The following CDYL variants were observed in gnomAD, a reference collection of about 807,000 sequenced individuals.
CDYL encodes chromodomain Y like.
CDYL carries 8 observed loss-of-function variants against 47.3 expected under a neutral mutation model. That is an observed-to-expected ratio of 0.17 (90% CI 0.10 to 0.31). The LOEUF (loss-of-function observed/expected upper bound fraction) is 0.31, where lower values mean the gene tolerates loss of function less well. Ranked by LOEUF, CDYL falls within the 10% of genes least tolerant of loss-of-function variation. The pLI is 1.00. For missense variants in CDYL, 471 were observed against 701.4 expected (o/e 0.67, Z 3.71); for synonymous variants, 266 against 265.0 (o/e 1.00, Z -0.04).
chr6:4,739,429 G>A (rs1757757837), intron 3 of CDYL, among the ~76,000 whole-genome samples: 1 of 147,024 alleles, frequency 6.8e-6, no homozygotes, highest in African/African-American at 2.5e-5. Context: ...TGAGGCAGAA[G>A]AATCACTTGA....
At chr6:4,859,104 T>C (rs968426871) in intron 1 of CDYL, among the ~76,000 whole-genome samples, 1 of 152,210 alleles carries the variant, frequency 6.6e-6, no homozygotes, top group African/African-American at 2.4e-5. Flanking sequence ...GCCTTTTTCA[T>C]GGGAAGGTTT....
At chr6:4,735,299 GA>G (rs201625611) in intron 3 of CDYL, among the ~76,000 whole-genome samples, 15 of 137,618 alleles carry the variant, frequency 1.1e-4, no homozygotes, top group South Asian at 4.6e-4. Context: ...TCAAAAAAAA[GA>G]AAAAAAAAAG....
chr6:4,783,897 A>G lies in CDYL; in HGVS notation c.24+7090A>G, dbSNP rs959117022. 3.9e-5 allele frequency among the ~76,000 whole-genome samples: 6 copies of G among 152,276 alleles called. No individual in the cohort carries two copies. In the South Asian group the frequency reaches 8.3e-4, roughly 21 times the overall value. On this transcript the variant is annotated intron_variant, in intron 1 of 6. Coordinates refer to ENST00000397588, the MANE Select transcript of CDYL (RefSeq NM_004824.4). ...GTGCTGCTTTTTGGATTTGTGCCTC[A>G]TCAGCTCGAAAATGGATTTGGCCAG...
chr6:4,902,442 C>T (rs143147842), intron 2 of CDYL, among the ~76,000 whole-genome samples: 1 of 151,524 alleles, frequency 6.6e-6, no homozygotes, highest in Non-Finnish European at 1.5e-5. Context: ...ACTGAGCAAG[C>T]CTGGACAATC....
Position 4,777,641 on chromosome 6 carries a change from T to TA in CDYL, c.24+836dup, listed in dbSNP as rs1758506462. 4.6e-5 allele frequency among the ~76,000 whole-genome samples: 7 copies of TA among 152,352 alleles called. No individual in the cohort carries two copies. The South Asian group carries it at 1.4e-3, about 32-fold the overall frequency. ...TCACATGTATTTATAAATAAGTTCC[T>TA]AAGAGACTTAAAACTTGCGAAGACT... On this transcript the variant is annotated intron_variant, in intron 1 of 6. Coordinates refer to ENST00000397588, the MANE Select transcript of CDYL (RefSeq NM_004824.4).
At chr6:4,820,886 A>C (rs1759815537) in intron 1 of CDYL, among the ~76,000 whole-genome samples, 1 of 152,216 alleles carries the variant, frequency 6.6e-6, no homozygotes, top group Non-Finnish European at 1.5e-5. Context: ...GACATCTTGA[A>C]ATCTGTAAAA....
chr6:4,853,128 T>G (rs1001404747), intron 1 of CDYL, among the ~76,000 whole-genome samples: 4 of 152,116 alleles, frequency 2.6e-5, no homozygotes, highest in Non-Finnish European at 5.9e-5. Flanking sequence ...CCCTCATTAG[T>G]CTTTTCCTGC....
intron 2 of CDYL, among the ~76,000 whole-genome samples, chr6:4,934,671 G>T (rs1443144454): frequency 2.6e-5 from 4 of 152,112 alleles, no homozygotes; most frequent in Non-Finnish European, 5.9e-5. Flanking sequence ...ATAATTATTT[G>T]CATTCTTAAC....
chr6:4,784,107 G>A (rs1758690704), intron 1 of CDYL, among the ~76,000 whole-genome samples: 1 of 152,092 alleles, frequency 6.6e-6, no homozygotes, highest in South Asian at 2.1e-4. Flanking sequence ...TCACTAATGA[G>A]CTGTGTTTAA....
At chr6:4,852,383 T>TTCC (rs771959396) in intron 1 of CDYL, among the ~76,000 whole-genome samples, 12 of 132,800 alleles carry the variant, frequency 9.0e-5, no homozygotes, top group African/African-American at 3.8e-4. Flanking sequence ...CCTTCCTTCC[T>TTCC]ATCTTCCTTC....
At chr6:4,952,663 A>C (rs1043508366) in intron 6 of CDYL, among the ~76,000 whole-genome samples, 2 of 152,302 alleles carry the variant, frequency 1.3e-5, no homozygotes, top group Admixed American at 1.3e-4. Flanking sequence ...GTCCTATGAA[A>C]GTCAACAACA....
At chr6:4,904,815 A>G (rs1029269421) in intron 2 of CDYL, among the ~76,000 whole-genome samples, 1 of 152,194 alleles carries the variant, frequency 6.6e-6, no homozygotes, top group African/African-American at 2.4e-5. Context: ...GTACAGCTAC[A>G]GGTTGTACTT....
chr6:4,933,741 T>G (rs1468313083), intron 2 of CDYL, among the ~76,000 whole-genome samples: 2 of 152,144 alleles, frequency 1.3e-5, no homozygotes, highest in Admixed American at 6.5e-5. Flanking sequence ...GACCCAGTGG[T>G]CTCCAGTTAG....
chr6:4,927,938 A>T (rs1348928307), intron 2 of CDYL, among the ~76,000 whole-genome samples: 1 of 152,154 alleles, frequency 6.6e-6, no homozygotes, highest in African/African-American at 2.4e-5. Context: ...TGAATGTTTT[A>T]TACCAGCTTA....
chr6:4,791,379 C>T (rs951112493), intron 1 of CDYL, among the ~76,000 whole-genome samples: 12 of 152,216 alleles, frequency 7.9e-5, no homozygotes, highest in East Asian at 5.8e-4. Context: ...CAACCTCACT[C>T]TCTAGACTTC....
Position 4,849,505 on chromosome 6 carries a change from A to G in CDYL, c.25-42208A>G, listed in dbSNP as rs376461380. Among the ~76,000 whole-genome samples, 3 of 152,206 alleles carry G rather than the reference A, an allele frequency of 2.0e-5. No individual in the cohort carries two copies. In the East Asian group the frequency reaches 5.8e-4, roughly 29 times the overall value. On this transcript the variant is annotated intron_variant, in intron 1 of 6. Transcript: ENST00000397588. ...GGTGTGTTCTTTTTAAAGATTAACA[A>G]TCTTAAGTCTTTTGTATGTTATGTT...
rs375476068 is a variant in CDYL, at chr6:4,736,275, A to G, written c.186+1431A>G. 3.9e-5 allele frequency among the ~76,000 whole-genome samples: 6 copies of G among 152,344 alleles called. No individual in the cohort carries two copies. The East Asian group carries it at 7.7e-4, about 20-fold the overall frequency. ...ATAAAGGTATTTTGCTATATCTGCAATAGCTGTATGTTATATGAAAACACG... is the reference window on the plus strand; with the variant it reads ...ATAAAGGTATTTTGCTATATCTGCAGTAGCTGTATGTTATATGAAAACACG... On this transcript the variant is annotated intron_variant, in intron 3 of 8. Transcript: ENST00000328908.
intron 1 of CDYL, among the ~76,000 whole-genome samples, chr6:4,859,728 T>TAGA (rs1448877323): frequency 6.6e-6 from 1 of 152,114 alleles, no homozygotes; most frequent in African/African-American, 2.4e-5. Context: ...AGATGTTTGG[T>TAGA]GAATAAGGGC....
chr6:4,796,148 G>A (rs1039130317), intron 1 of CDYL, among the ~76,000 whole-genome samples: 4 of 152,058 alleles, frequency 2.6e-5, no homozygotes, highest in African/African-American at 9.7e-5. Context: ...GGCCAGGCTG[G>A]TCTCGAACTC....
Sources: allele counts gnomAD v4.1 joint callset (sites outside exome capture counted in the v4.1 genomes callset), GRCh38; gene constraint gnomAD v4.1.1; transcripts MANE v1.5; gene names NCBI Gene and HGNC (gene_info 2026-07-23, HGNC 2026-07-21).